Variants in AMOTL1 observed in about 807,000 individuals in gnomAD.
AMOTL1 encodes angiomotin like 1.
AMOTL1 carries 45 observed loss-of-function variants against 102.9 expected under a neutral mutation model. The ratio of observed to expected loss-of-function variants is 0.44; its 90% CI spans 0.34 to 0.56. The LOEUF is 0.56. Ranked by LOEUF, AMOTL1 falls within the 20% of genes least tolerant of loss-of-function variation. The pLI, the probability that AMOTL1 is intolerant of heterozygous loss-of-function variation, is 0.01. For synonymous variants in AMOTL1, 481 were observed against 484.7 expected (o/e 0.99, Z 0.10); for missense variants, 1,114 against 1,225.6 (o/e 0.91, Z 1.36).
intron 3 of AMOTL1, among the ~76,000 whole-genome samples, chr11:94,743,437 C>T (rs1478743632): frequency 2.0e-5 from 3 of 152,054 alleles, no homozygotes; most frequent in Admixed American, 6.5e-5. Context: ...AGGTCAAAGA[C>T]GGAGCTGTCA....
chr11:94,800,310 A>G lies in AMOTL1; in HGVS notation c.1120A>G (p.Ser374Gly), dbSNP rs1434239704. 9 of 1,585,814 alleles carry G rather than the reference A, an allele frequency of 5.7e-6. No individual in the cohort carries two copies. The Admixed American group carries it at 1.7e-4, about 30-fold the overall frequency. ...GCCACCCCCTGAGTATGGGGTAACG[A>G]GGTGATTATCAACTGCAGACGTTTC... Reference protein sequence around the residue: ...YQPPPEYGVTSRPCQLPFPST... With the variant: ...YQPPPEYGVTGRPCQLPFPST... Residue 374 changes from serine (S) to glycine (G), a missense_variant and splice_region_variant, in exon 3 of 13, where the codon AGC becomes GGC. Transcript: ENST00000433060.
At chr11:94,829,326 G>T (rs965612038) in intron 4 of AMOTL1, among the ~76,000 whole-genome samples, 2 of 151,066 alleles carry the variant, frequency 1.3e-5, no homozygotes, top group Admixed American at 1.3e-4. Context: ...AGGCTCAAGC[G>T]ATCCTTCCAC....
chr11:94,779,353 A>G (rs576640021), intron 1 of AMOTL1, among the ~76,000 whole-genome samples: 1 of 152,312 alleles, frequency 6.6e-6, no homozygotes, highest in East Asian at 1.9e-4. Context: ...TCAGAAAATC[A>G]TTATGAACAT....
At chr11:94,865,612 C>A (rs1454345441) in intron 10 of AMOTL1, among the ~76,000 whole-genome samples, 1 of 152,196 alleles carries the variant, frequency 6.6e-6, no homozygotes, top group East Asian at 1.9e-4. Flanking sequence ...CTTCCCTATC[C>A]CCTACCTACC....
chr11:94,810,411 A>G (rs1205131984), intron 3 of AMOTL1, among the ~76,000 whole-genome samples: 4 of 151,244 alleles, frequency 2.6e-5, no homozygotes, highest in Non-Finnish European at 5.9e-5. Flanking sequence ...TTTTCAAACA[A>G]AGACATTTCT....
chr11:94,818,545 A>C (rs1951806125), intron 3 of AMOTL1, among the ~76,000 whole-genome samples: 1 of 152,238 alleles, frequency 6.6e-6, no homozygotes, highest in Non-Finnish European at 1.5e-5. Context: ...TAGTAAGACC[A>C]ACAGTTATTT....
chr11:94,792,136 A>T (rs919853436), intron 1 of AMOTL1, among the ~76,000 whole-genome samples: 2 of 152,240 alleles, frequency 1.3e-5, no homozygotes, highest in Non-Finnish European at 2.9e-5. Flanking sequence ...AATACTATGC[A>T]GCCATAAAAA....
chr11:94,831,043 C>G (rs988622693), intron 5 of AMOTL1, among the ~76,000 whole-genome samples: 3 of 152,024 alleles, frequency 2.0e-5, no homozygotes, highest in Admixed American at 1.3e-4. Flanking sequence ...TATTTTTTTT[C>G]TTTGATTCTG....
intron 1 of AMOTL1, among the ~76,000 whole-genome samples, chr11:94,787,020 CTGT>C (rs954115621): frequency 1.3e-5 from 2 of 151,190 alleles, no homozygotes; most frequent in Admixed American, 6.6e-5. Context: ...GACACAGTCT[CTGT>C]TGTTATAAAC....
At chr11:94,745,896 G>A (rs1382701468) in intron 3 of AMOTL1, among the ~76,000 whole-genome samples, 1 of 152,180 alleles carries the variant, frequency 6.6e-6, no homozygotes, top group Admixed American at 6.5e-5. Flanking sequence ...TCCAAAAGGA[G>A]GTAGTCAGGA....
chr11:94,800,440 A>T, intron 3 of AMOTL1, 129 bp downstream of exon 3: 2 of 1,078,524 alleles, frequency 1.9e-6, no homozygotes, highest in Non-Finnish European at 2.6e-6. Flanking sequence ...GATATTTAAT[A>T]AACCACTTTG....
In AMOTL1 at chr11:94,850,247, G is replaced by A; in HGVS notation, c.1782G>A (p.Lys594=). 6.3e-7 allele frequency: 1 copy of A among 1,595,130 alleles called. No homozygotes were observed. The highest frequency in any genetic ancestry group is 8.5e-7 in the Non-Finnish European group (1 of 1,170,826). ...GCAACGCCCAGGCCAGGGTCATCAA[G>A]CTGGAAGAGGAGGTGAGACCAGGCT... ...ALSNAQARVI[K]LEEELREKQA... is the part of the protein sequence containing the mutation. The change falls in exon 7 of 13, where the codon AAG becomes AAA. Residue 594 remains lysine (K), a synonymous_variant. Transcript: ENST00000433060.
rs1951426152 is a variant in AMOTL1, at chr11:94,799,414, A to G, written c.224A>G (p.His75Arg). 1 of 1,582,372 alleles carries G rather than the reference A, an allele frequency of 6.3e-7. No individual in the cohort carries two copies. Among genetic ancestry groups the G allele is most frequent in the East Asian group, 2.3e-5 (1 of 43,786 alleles). ...GTTGAAGATCCTCTTTGTAACTTCC[A>G]CTCCCCAAACTTCCTGAGGATCTCA... ...KVVEDPLCNFHSPNFLRISEV... is the reference protein window; with the variant it reads ...KVVEDPLCNFRSPNFLRISEV... Residue 75 changes from histidine to arginine, a missense_variant, in exon 3 of 13, where the codon CAC (histidine) becomes CGC (arginine). By Grantham distance (29) the His-to-Arg change is conservative. Transcript: ENST00000433060. This position sits in a 1 kb window ranked among gnomAD's most constrained non-coding sequence, Gnocchi z 4.5.
intron 7 of AMOTL1, among the ~76,000 whole-genome samples, chr11:94,851,322 T>A (rs1397696894): frequency 1.3e-5 from 2 of 152,234 alleles, no homozygotes; most frequent in African/African-American, 4.8e-5. Context: ...GTTTTTAAAA[T>A]CTTTTAGTTT....
chr11:94,871,099 G>T lies in AMOTL1; in HGVS notation c.*304G>T. 1 of 230,908 alleles carries T rather than the reference G, an allele frequency of 4.3e-6. No individual in the cohort carries two copies. Among genetic ancestry groups the T allele is most frequent in the Non-Finnish European group, 8.5e-6 (1 of 117,536 alleles). The allele number at this position is 230,908 out of a possible 1,614,324, so 14.3% of individuals were successfully genotyped here. The stretch of plus-strand genomic sequence containing the variant: ...GTACAGAAAATGTATCTCTTGGGGA[G>T]GGCCTGTGTACCCCCATTCTCTGAT... On this transcript the variant is annotated 3_prime_UTR_variant, in exon 13 of 13. Transcript: ENST00000433060.
At position 94,834,557 on chromosome 11, in the gene AMOTL1, A is replaced by T. The variant is rs374946784; in HGVS notation, c.1648+3016A>T. 5.9e-5 allele frequency among the ~76,000 whole-genome samples: 9 copies of T among 152,046 alleles called. No individual in the cohort carries two copies. The East Asian group carries it at 1.7e-3, about 29-fold the overall frequency. The stretch of plus-strand genomic sequence containing the variant: ...CAGTGAGCTGAGATCGCGCCACTGC[A>T]CTCCAGCCTGGGCGACAGAGCGAGA... On this transcript the variant is annotated intron_variant, in intron 6 of 12. Coordinates refer to ENST00000433060, the MANE Select transcript of AMOTL1 (RefSeq NM_130847.3).
chr11:94,800,425 T>A (rs1951456246), intron 3 of AMOTL1, 114 bp downstream of exon 3: 1 of 1,200,724 alleles, frequency 8.3e-7, no homozygotes, highest in Non-Finnish European at 1.2e-6. Flanking sequence ...TTTTTCCTTA[T>A]GCATGATATT....
intron 4 of AMOTL1, among the ~76,000 whole-genome samples, chr11:94,826,137 A>G (rs1313012308): frequency 6.6e-6 from 1 of 152,114 alleles, no homozygotes; most frequent in African/African-American, 2.4e-5. Context: ...AAGAAAAAAT[A>G]CAAAAATTAC....
At chr11:94,804,846 G>A (rs1326546491) in intron 3 of AMOTL1, among the ~76,000 whole-genome samples, 1 of 152,188 alleles carries the variant, frequency 6.6e-6, no homozygotes, top group African/African-American at 2.4e-5. Flanking sequence ...TTGTGGTGGT[G>A]GTAGTCATAG....
Sources: allele counts gnomAD v4.1 joint callset (sites outside exome capture counted in the v4.1 genomes callset), GRCh38; gene constraint gnomAD v4.1.1; non-coding constraint Gnocchi (gnomAD v3.1); transcripts MANE v1.5; gene names NCBI Gene and HGNC (gene_info 2026-07-23, HGNC 2026-07-21).